ADAMTS12: variants seen among roughly 807,000 people sequenced by gnomAD.
The protein encoded by ADAMTS12 is A disintegrin and metalloproteinase with thrombospondin motifs 12.
Under a neutral mutation model 167.8 loss-of-function variants are expected in ADAMTS12, and 118 were observed. That is an observed-to-expected ratio of 0.70 (90% CI 0.61 to 0.82). ADAMTS12 has a LOEUF of 0.82. Among genes scored for constraint, ADAMTS12 ranks in the 40% least tolerant of loss-of-function variants. ADAMTS12 has a pLI of 0.00. For synonymous variants in ADAMTS12, 704 were observed against 716.9 expected, an observed-to-expected ratio of 0.98 and a Z score of 0.29; for missense variants, 1,916 against 1,998.8, an observed-to-expected ratio of 0.96 and a Z score of 0.79.
At chr5:33,711,538 C>T (rs1743404402) in intron 3 of ADAMTS12, among the ~76,000 whole-genome samples, 2 of 152,150 alleles carry the variant, frequency 1.3e-5, no homozygotes, top group African/African-American at 4.8e-5. Context: ...TCCTTCCAAA[C>T]TCACTGCATG....
At chr5:33,776,300 C>T (rs576281517) in intron 2 of ADAMTS12, among the ~76,000 whole-genome samples, 1 of 152,272 alleles carries the variant, frequency 6.6e-6, no homozygotes, top group African/African-American at 2.4e-5. Context: ...AGACATTCTC[C>T]AGTATAGATC....
intron 21 of ADAMTS12, among the ~76,000 whole-genome samples, chr5:33,547,716 C>T (rs534084344): frequency 3.3e-5 from 5 of 152,180 alleles, no homozygotes; most frequent in African/African-American, 4.8e-5. Flanking sequence ...TTCCTGATGG[C>T]GATCCGAGAA....
chr5:33,799,802 G>A (rs1746927061), intron 2 of ADAMTS12, among the ~76,000 whole-genome samples: 1 of 152,246 alleles, frequency 6.6e-6, no homozygotes, highest in Admixed American at 6.5e-5. Context: ...AAAGGCACAG[G>A]AAGGGGTCTC....
Position 33,709,706 on chromosome 5 carries a change from G to T in ADAMTS12, c.635-25651C>A, listed in dbSNP as rs578250130. ...AACAACACACATGGGGGATTGTTGT[G>T]GGGGGATGTGGGGGTTGAGAAAACA... On this transcript the variant is annotated intron_variant, in intron 3 of 23. Coordinates refer to ENST00000504830, the MANE Select transcript of ADAMTS12 (RefSeq NM_030955.4). Among the ~76,000 whole-genome samples the T allele has an allele frequency of 3.3e-3, 500 of 152,104 alleles. 6 individuals carry two copies. The highest frequency in any genetic ancestry group is 0.012 in the African/African-American group (480 of 41,494).
chr5:33,839,535 C>T (rs1748664745), intron 2 of ADAMTS12, among the ~76,000 whole-genome samples: 2 of 152,164 alleles, frequency 1.3e-5, no homozygotes, highest in South Asian at 2.1e-4. Context: ...CCTAGTTGAA[C>T]ATATGGTGGC....
At chr5:33,767,300 C>A (rs573241429) in intron 2 of ADAMTS12, among the ~76,000 whole-genome samples, 11 of 152,258 alleles carry the variant, frequency 7.2e-5, no homozygotes, top group African/African-American at 2.2e-4. Flanking sequence ...CTCTTCTATA[C>A]TTTCAGTAAA....
chr5:33,733,684 T>G (rs542428232), intron 3 of ADAMTS12, among the ~76,000 whole-genome samples: 33 of 152,154 alleles, frequency 2.2e-4, no homozygotes, highest in Non-Finnish European at 4.4e-4. Flanking sequence ...GGCTTTGCAT[T>G]TGGCTAAAGC....
chr5:33,542,095 C>G (rs1744729296), intron 22 of ADAMTS12, among the ~76,000 whole-genome samples: 1 of 151,852 alleles, frequency 6.6e-6, no homozygotes, highest in South Asian at 2.1e-4. Flanking sequence ...GGAGACCCAT[C>G]TCACATGCAG....
Position 33,744,209 on chromosome 5 carries a change from C to A in ADAMTS12, c.634+7195G>T, listed in dbSNP as rs189508641. 3.9e-5 allele frequency among the ~76,000 whole-genome samples: 6 copies of A among 152,156 alleles called. 1 individual carries two copies. Among genetic ancestry groups the A allele is most frequent in the Admixed American group, 3.3e-4 (5 of 15,294 alleles). ...GGCAGATACTCATCATATGATAGAG[C>A]CTGTGGTAGGGTATGAAGTAGGTAG... On this transcript the variant is annotated intron_variant, in intron 3 of 23. Coordinates refer to ENST00000504830, the MANE Select transcript of ADAMTS12 (RefSeq NM_030955.4).
At chr5:33,727,773 C>G (rs1428657773) in intron 3 of ADAMTS12, among the ~76,000 whole-genome samples, 1 of 152,216 alleles carries the variant, frequency 6.6e-6, no homozygotes, top group African/African-American at 2.4e-5. Context: ...TACAGACCAT[C>G]CTATCGTCTC....
At chr5:33,653,711 T>C (rs1014799077) in intron 7 of ADAMTS12, among the ~76,000 whole-genome samples, 3 of 152,178 alleles carry the variant, frequency 2.0e-5, no homozygotes, top group South Asian at 2.1e-4. Context: ...GTATCCTTTC[T>C]CTCTTGCTGC....
Position 33,624,338 on chromosome 5 carries a change from T to A in ADAMTS12, c.2036A>T (p.Asp679Val), listed in dbSNP as rs768960672. 1 of 1,614,034 alleles carries A rather than the reference T, an allele frequency of 6.2e-7. No individual in the cohort carries two copies. Among genetic ancestry groups the A allele is most frequent in the Non-Finnish European group, 8.5e-7 (1 of 1,179,922 alleles). The stretch of plus-strand genomic sequence containing the variant: ...GGTGGCATTGGAATCGATCTCATAG[T>A]CACAGCCAACCATCTGTGGGGAAGA... Reference protein sequence around the residue: ...INGICKMVGCDYEIDSNATED... With the variant: ...INGICKMVGCVYEIDSNATED... The change falls in exon 14 of 24, where the codon GAC becomes GTC. Residue 679 changes from aspartate to valine, a missense_variant. Coordinates refer to ENST00000504830, the MANE Select transcript of ADAMTS12 (RefSeq NM_030955.4).
chr5:33,746,246 T>G (rs1744783055), intron 3 of ADAMTS12, among the ~76,000 whole-genome samples: 1 of 152,320 alleles, frequency 6.6e-6, no homozygotes, highest in South Asian at 2.1e-4. Context: ...TTAAACTCAA[T>G]GTGGAGTATG....
intron 9 of ADAMTS12, among the ~76,000 whole-genome samples, chr5:33,644,808 G>A (rs1740598037): frequency 6.6e-6 from 1 of 151,548 alleles, no homozygotes; most frequent in African/African-American, 2.4e-5. Context: ...TCGGCTCACT[G>A]CAAGCTCTGC....
intron 11 of ADAMTS12, among the ~76,000 whole-genome samples, chr5:33,639,655 C>T (rs1420559988): frequency 1.3e-5 from 2 of 152,200 alleles, no homozygotes; most frequent in South Asian, 4.1e-4. Context: ...CTTGAATCGT[C>T]GTCTTCCTTG....
chr5:33,539,055 C>T (rs1384039714), intron 22 of ADAMTS12, among the ~76,000 whole-genome samples: 2 of 152,160 alleles, frequency 1.3e-5, no homozygotes, highest in Non-Finnish European at 2.9e-5. Flanking sequence ...GATCCTCCTG[C>T]CTCAGCCTCC....
chr5:33,767,978 G>A (rs1277962460), intron 2 of ADAMTS12, among the ~76,000 whole-genome samples: 1 of 152,192 alleles, frequency 6.6e-6, no homozygotes, highest in Admixed American at 6.5e-5. Flanking sequence ...ACAGTACAGG[G>A]TGAGAGATGA....
chr5:33,804,684 A>G (rs1747154425), intron 2 of ADAMTS12, among the ~76,000 whole-genome samples: 1 of 152,222 alleles, frequency 6.6e-6, no homozygotes, highest in Admixed American at 6.5e-5. Flanking sequence ...GCAATTCACA[A>G]GTGAAAAGAA....
chr5:33,748,613 T>C (rs1176279309), intron 3 of ADAMTS12, among the ~76,000 whole-genome samples: 1 of 152,144 alleles, frequency 6.6e-6, no homozygotes, highest in Non-Finnish European at 1.5e-5. Flanking sequence ...AGCACTAGGG[T>C]ACTTTTAAAT....
Sources: allele counts gnomAD v4.1 joint callset (sites outside exome capture counted in the v4.1 genomes callset), GRCh38; gene constraint gnomAD v4.1.1; transcripts MANE v1.5; gene names NCBI Gene and HGNC (gene_info 2026-07-23, HGNC 2026-07-21).